ILRUN: variants seen among roughly 807,000 people sequenced by gnomAD.
ILRUN encodes protein ILRUN.
In ILRUN, 3 loss-of-function variants were observed where a neutral mutation model predicts 33.8. The ratio of observed to expected loss-of-function variants is 0.09; its 90% CI spans 0.04 to 0.23. ILRUN has a LOEUF of 0.23. Among genes scored for constraint, ILRUN ranks in the 10% least tolerant of loss-of-function variants. The pLI, the probability that ILRUN is intolerant of heterozygous loss-of-function variation, is 1.00. For missense variants in ILRUN, 210 were observed against 375.1 expected, an observed-to-expected ratio of 0.56 and a Z score of 3.64; for synonymous variants, 124 against 138.9, an observed-to-expected ratio of 0.89 and a Z score of 0.75.
intron 2 of ILRUN, among the ~76,000 whole-genome samples, chr6:34,649,039 C>T (rs1762610466): frequency 6.6e-6 from 1 of 152,190 alleles, no homozygotes; most frequent in African/African-American, 2.4e-5. Flanking sequence ...TAACATTAAA[C>T]ACTGGCATTT....
In ILRUN at chr6:34,592,655, C is replaced by G. The variant is rs1044973242; in HGVS notation, c.862-2055G>C. 1.3e-5 allele frequency among the ~76,000 whole-genome samples: 2 copies of G among 152,116 alleles called. No homozygotes were observed. Among genetic ancestry groups the G allele is most frequent in the African/African-American group, 4.8e-5 (2 of 41,406 alleles). On this transcript the variant is annotated intron_variant, in intron 4 of 4. Transcript: ENST00000374023. The surrounding 1 kb of genome is among the most constrained non-coding windows in gnomAD (Gnocchi z 4.0). ...GGATTACAGGCATGAGCCACTGCGC[C>G]TGGCCTTTGCCATTACTTTTAATGG... is the stretch of plus-strand genomic sequence containing the variant.
At chr6:34,661,513 A>G (rs1762885751) in intron 1 of ILRUN, among the ~76,000 whole-genome samples, 1 of 152,168 alleles carries the variant, frequency 6.6e-6, no homozygotes, top group South Asian at 2.1e-4. Context: ...TATCTGGTCT[A>G]TAAACTACAC....
At chr6:34,598,289 A>T (rs1033531279) in intron 4 of ILRUN, among the ~76,000 whole-genome samples, 10 of 152,322 alleles carry the variant, frequency 6.6e-5, no homozygotes, top group African/African-American at 2.4e-4. Flanking sequence ...AGCTCTAAGG[A>T]AGCTCCCATT....
chr6:34,611,079 C>T (rs376254893), intron 3 of ILRUN, among the ~76,000 whole-genome samples: 18 of 140,132 alleles, frequency 1.3e-4, no homozygotes, highest in African/African-American at 2.1e-4. Context: ...CTCTCCTTTC[C>T]TTTCTTTCTT....
At position 34,588,482 on chromosome 6, in the gene ILRUN, G is replaced by A; in HGVS notation, c.*2083C>T. ...TCAAGGCTACTAAGCAGTAAGAACA[G>A]CTGGGCATGCATGGGCTCCAGGGAG... On this transcript the variant is annotated 3_prime_UTR_variant, in exon 5 of 5. Coordinates refer to ENST00000374023, the MANE Select transcript of ILRUN (RefSeq NM_024294.4). 2.8e-6 allele frequency: 1 copy of A among 354,814 alleles called. No homozygotes were observed. Among genetic ancestry groups the A allele is most frequent in the East Asian group, 4.1e-5 (1 of 24,224 alleles). 22.0% of individuals were successfully genotyped at this position (354,814 alleles called of 1,614,324 possible).
intron 3 of ILRUN, among the ~76,000 whole-genome samples, chr6:34,618,581 T>C (rs1034050162): frequency 6.6e-6 from 1 of 152,232 alleles, no homozygotes; most frequent in African/African-American, 2.4e-5. Context: ...TCCTGTTCCA[T>C]GGCATTCCAC....
intron 1 of ILRUN, among the ~76,000 whole-genome samples, chr6:34,661,667 T>C (rs1762888856): frequency 6.6e-6 from 1 of 152,256 alleles, no homozygotes; most frequent in Admixed American, 6.5e-5. Flanking sequence ...AACATATTTC[T>C]GTCTTTGGGT....
chr6:34,605,318 C>CAAAAAAAAAAA (rs78612898), intron 4 of ILRUN, among the ~76,000 whole-genome samples: 175 of 73,322 alleles, frequency 2.4e-3, no homozygotes, highest in Non-Finnish European at 2.8e-3. Context: ...AAAACAAAAA[C>CAAAAAAAAAAA]AAAAAAAAAA....
intron 3 of ILRUN, among the ~76,000 whole-genome samples, chr6:34,627,211 G>A (rs1347337442): frequency 6.6e-6 from 1 of 152,114 alleles, no homozygotes; most frequent in African/African-American, 2.4e-5. Flanking sequence ...ATGCATTTAA[G>A]GTCCTTCCAT....
At chr6:34,642,600 T>C (rs1762494091) in intron 3 of ILRUN, among the ~76,000 whole-genome samples, 1 of 152,058 alleles carries the variant, frequency 6.6e-6, no homozygotes, top group Non-Finnish European at 1.5e-5. Flanking sequence ...AAAGCAAAAG[T>C]GGACCAGTCA....
At chr6:34,679,543 G>A (rs934309748) in intron 1 of ILRUN, among the ~76,000 whole-genome samples, 4 of 152,064 alleles carry the variant, frequency 2.6e-5, no homozygotes, top group Non-Finnish European at 5.9e-5. Context: ...CTATGTAATA[G>A]AATACTACAA....
intron 1 of ILRUN, among the ~76,000 whole-genome samples, chr6:34,677,463 A>G (rs1321928932): frequency 6.6e-6 from 1 of 152,174 alleles, no homozygotes; most frequent in African/African-American, 2.4e-5. Context: ...AGATAACTAT[A>G]ATATATTTAA....
chr6:34,620,486 T>C (rs976197584), intron 3 of ILRUN, among the ~76,000 whole-genome samples: 3 of 152,164 alleles, frequency 2.0e-5, no homozygotes, highest in Non-Finnish European at 4.4e-5. Flanking sequence ...TGACAGCAAA[T>C]TGAAGGCAGA....
Position 34,683,501 on chromosome 6 carries a change from TATATATATATATAC to T in ILRUN, c.158+12931_158+12944del, listed in dbSNP as rs1438773915. Reference sequence around the variant, plus strand: ...ATATATATATACATATATATATACATATATATATATATACATATATATATATACATATTGCACAG... The same window carrying T: ...ATATATATATACATATATATATACATATATATATATATACATATTGCACAG... On this transcript the variant is annotated intron_variant, in intron 1 of 4. Coordinates refer to ENST00000374023, the MANE Select transcript of ILRUN (RefSeq NM_024294.4). Among the ~76,000 whole-genome samples the T allele has an allele frequency of 2.0e-3, 181 of 91,872 alleles. 2 individuals are homozygous for T. Among genetic ancestry groups the T allele is most frequent in the Non-Finnish European group, 3.3e-3 (156 of 47,870 alleles). 60.3% of individuals were successfully genotyped at this position (91,872 alleles called of 152,430 possible).
At chr6:34,627,878 A>G (rs1219797756) in intron 3 of ILRUN, among the ~76,000 whole-genome samples, 1 of 151,658 alleles carries the variant, frequency 6.6e-6, no homozygotes, top group Non-Finnish European at 1.5e-5. Context: ...TAATTTTTGT[A>G]TTTTTAGTAG....
At chr6:34,611,136 G>A (rs1761744028) in intron 3 of ILRUN, among the ~76,000 whole-genome samples, 1 of 135,842 alleles carries the variant, frequency 7.4e-6, no homozygotes, top group African/African-American at 2.8e-5. Context: ...TTTTAGTAGA[G>A]ATGAGGTCTC....
intron 3 of ILRUN, among the ~76,000 whole-genome samples, 184 bp from the exon 4 acceptor site, chr6:34,607,088 G>A (rs974954442): frequency 6.6e-6 from 1 of 152,160 alleles, no homozygotes; most frequent in African/African-American, 2.4e-5. Context: ...TACATTTTTG[G>A]TAATGTCAAA....
chr6:34,675,390 A>C (rs1204881168), intron 1 of ILRUN, among the ~76,000 whole-genome samples: 1 of 152,244 alleles, frequency 6.6e-6, no homozygotes, highest in Non-Finnish European at 1.5e-5. Flanking sequence ...AGGGAAATGT[A>C]CATTTTTCAA....
intron 2 of ILRUN, among the ~76,000 whole-genome samples, chr6:34,648,769 C>T (rs547666010): frequency 2.5e-4 from 38 of 152,244 alleles, no homozygotes; most frequent in Admixed American, 7.8e-4. Flanking sequence ...CTTTAAGATA[C>T]ACACATACAC....
Sources: allele counts gnomAD v4.1 joint callset (sites outside exome capture counted in the v4.1 genomes callset), GRCh38; gene constraint gnomAD v4.1.1; non-coding constraint Gnocchi (gnomAD v3.1); transcripts MANE v1.5; gene names NCBI Gene and HGNC (gene_info 2026-07-23, HGNC 2026-07-21).